Variants in CNTN5 observed in about 807,000 individuals in gnomAD.
The protein encoded by CNTN5 is contactin 5, also known as contactin-5.
A neutral mutation model predicts 129.1 loss-of-function variants in CNTN5; 77 were observed. The observed-to-expected ratio is 0.60, with a 90% CI of 0.50 to 0.72. The LOEUF is 0.72. Ranked by LOEUF, CNTN5 falls within the 30% of genes least tolerant of loss-of-function variation. The probability of loss-of-function intolerance (pLI) is 0.00; values close to 1 mark genes in which losing one functional copy is unlikely to be tolerated. For synonymous variants in CNTN5, 509 were observed against 465.6 expected, an observed-to-expected ratio of 1.09 and a Z score of -1.20; for missense variants, 1,478 against 1,328.8, an observed-to-expected ratio of 1.11 and a Z score of -1.75.
rs1303210309 is a variant in CNTN5 at position 99,393,154 on chromosome 11, C to A, written c.-71+67670C>A. ...ATGTCAAAAGAAGGGCAGAAATTGTCCAGAAATAAAATCTCCAACTGGAAG... is the reference window on the plus strand; with the variant it reads ...ATGTCAAAAGAAGGGCAGAAATTGTACAGAAATAAAATCTCCAACTGGAAG... On this transcript the variant is annotated intron_variant, in intron 2 of 24. Coordinates refer to ENST00000524871, the MANE Select transcript of CNTN5 (RefSeq NM_014361.4). 2.0e-5 allele frequency among the ~76,000 whole-genome samples: 3 copies of A among 151,656 alleles called. No homozygotes were observed. The East Asian group carries it at 5.8e-4, about 29-fold the overall frequency.
At chr11:99,193,333 G>T (rs116506551) in intron 1 of CNTN5, among the ~76,000 whole-genome samples, 1 of 152,120 alleles carries the variant, frequency 6.6e-6, no homozygotes, top group Admixed American at 6.6e-5. Context: ...ATGGAGAGTC[G>T]AAGTTGAAAC....
At chr11:99,156,961 A>T (rs776139016) in intron 1 of CNTN5, among the ~76,000 whole-genome samples, 1 of 152,076 alleles carries the variant, frequency 6.6e-6, no homozygotes, top group Non-Finnish European at 1.5e-5. Flanking sequence ...GTTGCCACTA[A>T]TTAACAACGG....
At chr11:99,587,712 T>A (rs1297438274) in intron 3 of CNTN5, among the ~76,000 whole-genome samples, 1 of 152,130 alleles carries the variant, frequency 6.6e-6, no homozygotes, top group Non-Finnish European at 1.5e-5. Context: ...GCTGAGAATT[T>A]TTTTAAAAGT....
chr11:99,822,873 C>A (rs1946843594), intron 4 of CNTN5, among the ~76,000 whole-genome samples: 1 of 152,194 alleles, frequency 6.6e-6, no homozygotes, highest in East Asian at 1.9e-4. Flanking sequence ...CAATGGGTTA[C>A]AAAAGCCACT....
At chr11:99,704,045 G>GTATA (rs544997418) in intron 3 of CNTN5, among the ~76,000 whole-genome samples, 47 of 147,292 alleles carry the variant, frequency 3.2e-4, no homozygotes, top group Non-Finnish European at 5.6e-4. Context: ...TTATATGTGT[G>GTATA]TATATATATA....
At chr11:99,206,309 C>T (rs10892903) in intron 1 of CNTN5, among the ~76,000 whole-genome samples, 51,660 of 151,586 alleles carry the variant, frequency 0.34, 9,172 homozygotes, top group Middle Eastern at 0.49. Flanking sequence ...TAAGAAAGGA[C>T]CCTAAGGATA....
At chr11:99,382,789 T>G (rs906090044) in intron 2 of CNTN5, among the ~76,000 whole-genome samples, 1 of 147,180 alleles carries the variant, frequency 6.8e-6, no homozygotes, top group Non-Finnish European at 1.5e-5. Context: ...CGTGTTTCAT[T>G]CGCACACAAG....
chr11:99,828,282 T>G (rs1947031679), intron 4 of CNTN5, among the ~76,000 whole-genome samples: 1 of 152,188 alleles, frequency 6.6e-6, no homozygotes, highest in Non-Finnish European at 1.5e-5. Flanking sequence ...CATTCTGTCT[T>G]AGTCCATTTT....
At chr11:99,320,353 C>T (rs1266694362) in intron 1 of CNTN5, among the ~76,000 whole-genome samples, 1 of 152,140 alleles carries the variant, frequency 6.6e-6, no homozygotes, top group East Asian at 1.9e-4. Context: ...TTATTGTTAC[C>T]ATTGCTGTTG....
At chr11:99,509,030 GA>G (rs1368402145) in intron 2 of CNTN5, among the ~76,000 whole-genome samples, 5 of 151,880 alleles carry the variant, frequency 3.3e-5, no homozygotes, top group African/African-American at 4.8e-5. Flanking sequence ...TATGAAGTGG[GA>G]AAAAAATACC....
chr11:100,043,158 T>C (rs1322939995), intron 9 of CNTN5, among the ~76,000 whole-genome samples: 1 of 152,176 alleles, frequency 6.6e-6, no homozygotes, highest in African/African-American at 2.4e-5. Context: ...TCTTAAACAC[T>C]TACAAAAAGA....
intron 3 of CNTN5, among the ~76,000 whole-genome samples, chr11:99,795,479 G>T (rs1157626094): frequency 6.6e-6 from 1 of 152,086 alleles, no homozygotes; most frequent in African/African-American, 2.4e-5. Flanking sequence ...TGATCATTTG[G>T]ATATAAGGAG....
chr11:99,809,374 G>T (rs557646415), intron 3 of CNTN5, among the ~76,000 whole-genome samples: 40 of 152,168 alleles, frequency 2.6e-4, no homozygotes, highest in African/African-American at 7.0e-4. Flanking sequence ...AGAACTCCTT[G>T]AAGGCAAAGA....
At chr11:99,219,004 T>TAGG (rs1860267752) in intron 1 of CNTN5, among the ~76,000 whole-genome samples, 2 of 152,076 alleles carry the variant, frequency 1.3e-5, no homozygotes, top group Non-Finnish European at 2.9e-5. Context: ...GGTAAGCCCC[T>TAGG]GGACTGCTTT....
chr11:99,087,038 TG>T (rs1182693400), intron 1 of CNTN5, among the ~76,000 whole-genome samples: 3 of 152,222 alleles, frequency 2.0e-5, no homozygotes, highest in East Asian at 3.8e-4. Flanking sequence ...AGCTTGATTT[TG>T]AGTCCACTGA....
At chr11:99,078,162 G>A (rs1190139162) in intron 1 of CNTN5, among the ~76,000 whole-genome samples, 1 of 152,034 alleles carries the variant, frequency 6.6e-6, no homozygotes, top group Non-Finnish European at 1.5e-5. Context: ...GTTCATATTA[G>A]TAATTTGATA....
intron 13 of CNTN5, among the ~76,000 whole-genome samples, chr11:100,114,726 C>G (rs1403369716): frequency 6.6e-6 from 1 of 151,938 alleles, no homozygotes; most frequent in Non-Finnish European, 1.5e-5. Context: ...CTTCCTTTCC[C>G]CATTCAACAA....
rs1944040365 is a variant in CNTN5 at position 100,074,290 on chromosome 11, A to G, written c.1576A>G (p.Lys526Glu). 2 of 1,590,408 alleles carry G rather than the reference A, an allele frequency of 1.3e-6. No homozygotes were observed. Among genetic ancestry groups the G allele is most frequent in the African/African-American group, 1.3e-5 (1 of 74,364 alleles). ...KKGDRAVRENKRIAILPDGSL... is the reference protein window; with the variant it reads ...KKGDRAVRENERIAILPDGSL... ...AGGAGACAGAGCAGTTAGAGAAAAC[A>G]AAAGGTTAGAATCTATTTTATAATT... The change falls in exon 13 of 25, where the codon AAA (lysine) becomes GAA (glutamate). Residue 526 changes from lysine to glutamate, a missense_variant. Physicochemically the swap from Lys to Glu is moderately conservative, Grantham distance 56. Coordinates refer to ENST00000524871, the MANE Select transcript of CNTN5 (RefSeq NM_014361.4).
intron 3 of CNTN5, among the ~76,000 whole-genome samples, chr11:99,600,364 T>A (rs1440819831): frequency 6.6e-6 from 1 of 152,210 alleles, no homozygotes; most frequent in East Asian, 1.9e-4. Flanking sequence ...TGTTGTGAGC[T>A]AATGCAACTT....
Sources: allele counts gnomAD v4.1 joint callset (sites outside exome capture counted in the v4.1 genomes callset), GRCh38; gene constraint gnomAD v4.1.1; transcripts MANE v1.5; gene names NCBI Gene and HGNC (gene_info 2026-07-23, HGNC 2026-07-21).